SLC16A12: variants seen among roughly 807,000 people sequenced by gnomAD.
SLC16A12 encodes the protein monocarboxylate transporter 12.
Under a neutral mutation model 42.4 loss-of-function variants are expected in SLC16A12, and 17 were observed. The observed-to-expected ratio is 0.40, with a 90% CI of 0.27 to 0.60. The LOEUF (loss-of-function observed/expected upper bound fraction) is 0.60. Ranked by LOEUF, SLC16A12 falls within the 20% of genes least tolerant of loss-of-function variation. SLC16A12 has a pLI of 0.42. For missense variants in SLC16A12, 544 were observed against 623.0 expected (o/e 0.87, Z 1.35); for synonymous variants, 224 against 229.4 (o/e 0.98, Z 0.21).
chr10:89,553,384 A>G (rs886295691), intron 2 of SLC16A12, among the ~76,000 whole-genome samples: 1 of 152,132 alleles, frequency 6.6e-6, no homozygotes, highest in Admixed American at 6.6e-5. Context: ...TAGGTACTAC[A>G]CTCTTTGTTC....
chr10:89,522,176 A>G (rs1345420581), intron 2 of SLC16A12, among the ~76,000 whole-genome samples: 2 of 152,222 alleles, frequency 1.3e-5, no homozygotes, highest in Non-Finnish European at 2.9e-5. Context: ...AGGTGAAGCC[A>G]GCCCTCACTT....
At chr10:89,553,774 C>A (rs534520175) in intron 2 of SLC16A12, among the ~76,000 whole-genome samples, 1 of 151,788 alleles carries the variant, frequency 6.6e-6, no homozygotes, top group South Asian at 2.1e-4. Context: ...TTTGGGTGGA[C>A]CAGGAGGTCA....
intron 2 of SLC16A12, among the ~76,000 whole-genome samples, chr10:89,474,231 C>A (rs942070498): frequency 3.3e-5 from 5 of 152,106 alleles, no homozygotes; most frequent in Admixed American, 6.5e-5. Context: ...TATCTATTTA[C>A]CTTTCTCTCT....
At chr10:89,459,774 T>C (rs752508450) in intron 3 of SLC16A12, among the ~76,000 whole-genome samples, 3 of 152,088 alleles carry the variant, frequency 2.0e-5, no homozygotes, top group Non-Finnish European at 4.4e-5. Context: ...ACCCCGTCTC[T>C]ATTAAAAATA....
chr10:89,541,722 A>C (rs545802169), intron 2 of SLC16A12, among the ~76,000 whole-genome samples: 1 of 152,226 alleles, frequency 6.6e-6, no homozygotes, highest in Non-Finnish European at 1.5e-5. Flanking sequence ...TCCCCTGTGC[A>C]TTGTAGAACA....
At chr10:89,458,915 CT>C (rs754487693) in intron 3 of SLC16A12, among the ~76,000 whole-genome samples, 11 of 152,108 alleles carry the variant, frequency 7.2e-5, no homozygotes, top group Non-Finnish European at 1.5e-4. Flanking sequence ...TTTGATCTTA[CT>C]GGAAAAAAAT....
intron 2 of SLC16A12, among the ~76,000 whole-genome samples, chr10:89,551,691 T>TCCC (rs1165338589): frequency 2.2e-4 from 33 of 152,206 alleles, no homozygotes; most frequent in Non-Finnish European, 4.6e-4. Flanking sequence ...TCTTAAGAGA[T>TCCC]CTGATGGTTT....
chr10:89,500,236 G>C (rs1412869144), intron 2 of SLC16A12, among the ~76,000 whole-genome samples: 2 of 152,112 alleles, frequency 1.3e-5, no homozygotes, highest in Admixed American at 1.3e-4. Flanking sequence ...TACCAATCCT[G>C]TTGACACTAT....
intron 2 of SLC16A12, among the ~76,000 whole-genome samples, chr10:89,510,391 A>G (rs1175740133): frequency 2.6e-5 from 4 of 152,240 alleles, no homozygotes; most frequent in African/African-American, 4.8e-5. Flanking sequence ...ACAGGTATAC[A>G]GACAAATGGA....
At chr10:89,533,168 G>GT (rs578088067) in intron 2 of SLC16A12, among the ~76,000 whole-genome samples, 21,023 of 145,448 alleles carry the variant, frequency 0.14, 3,043 homozygotes, top group African/African-American at 0.38. Flanking sequence ...GTCGTTTTTA[G>GT]TTTTTTTTTT....
At chr10:89,445,652 C>A (rs567912327) in intron 3 of SLC16A12, among the ~76,000 whole-genome samples, 3 of 152,226 alleles carry the variant, frequency 2.0e-5, no homozygotes, top group African/African-American at 7.2e-5. Context: ...TGGGGAGAAA[C>A]CAGAGCAGAA....
chr10:89,550,601 CT>C, intron 2 of SLC16A12, among the ~76,000 whole-genome samples: 1 of 152,144 alleles, frequency 6.6e-6, no homozygotes, highest in Admixed American at 6.6e-5. Context: ...TCCCAAAGCA[CT>C]AAAACAAAAT....
chr10:89,469,068 G>A (rs1236167597), intron 2 of SLC16A12, among the ~76,000 whole-genome samples: 4 of 152,190 alleles, frequency 2.6e-5, no homozygotes, highest in African/African-American at 7.2e-5. Context: ...GACAGAGGTT[G>A]CAGTGAGCTG....
intron 2 of SLC16A12, among the ~76,000 whole-genome samples, chr10:89,489,302 A>C (rs1347797149): frequency 6.6e-6 from 1 of 151,970 alleles, no homozygotes; most frequent in African/African-American, 2.4e-5. Flanking sequence ...ATTATTCTTT[A>C]TATACTAAAG....
chr10:89,550,519 AAAAC>A (rs1489028076), intron 2 of SLC16A12, among the ~76,000 whole-genome samples: 4 of 152,216 alleles, frequency 2.6e-5, no homozygotes, highest in African/African-American at 4.8e-5. Flanking sequence ...ACTCCGTCTC[AAAAC>A]AAACAAACAA....
intron 2 of SLC16A12, among the ~76,000 whole-genome samples, chr10:89,480,392 A>G (rs1239767654): frequency 6.6e-6 from 1 of 152,184 alleles, no homozygotes; most frequent in Non-Finnish European, 1.5e-5. Context: ...GGCTTTAATG[A>G]GGGTTAAATG....
Position 89,532,014 on chromosome 10 carries a change from A to G in SLC16A12, c.-47+2487T>C, listed in dbSNP as rs970324480. ...CATACCAGGATGTAAGCTGCATCAG[A>G]GGCATGTTCTGTGTCTTTACACGTC... On this transcript the variant is annotated intron_variant, in intron 2 of 7. Transcript: ENST00000371790. Among the ~76,000 whole-genome samples, 8 of 152,234 alleles carry G rather than the reference A, an allele frequency of 5.3e-5. No individual in the cohort carries two copies. In the East Asian group the frequency reaches 1.5e-3, roughly 29 times the overall value.
At chr10:89,495,238 C>A (rs752087012) in intron 2 of SLC16A12, among the ~76,000 whole-genome samples, 4 of 152,032 alleles carry the variant, frequency 2.6e-5, no homozygotes, top group Non-Finnish European at 5.9e-5. Flanking sequence ...CCTGTAGTCC[C>A]AGCTGCTTGG....
chr10:89,509,561 C>G (rs143297396), intron 2 of SLC16A12, among the ~76,000 whole-genome samples: 1,589 of 152,282 alleles, frequency 0.01, 9 homozygotes, highest in Middle Eastern at 0.024. Flanking sequence ...TAAAAATTCT[C>G]AATAAACTAG....
Sources: gnomAD v4.1 joint callset for allele counts (sites outside exome capture counted in the v4.1 genomes callset) on GRCh38, gnomAD v4.1.1 for gene constraint, MANE v1.5 for transcripts, NCBI Gene and HGNC (gene_info 2026-07-23, HGNC 2026-07-21) for gene names.